The following TMPRSS4 variants were observed in gnomAD, a reference collection of about 807,000 sequenced individuals.
TMPRSS4 encodes transmembrane serine protease 4.
A neutral mutation model predicts 56.4 loss-of-function variants in TMPRSS4; 45 were observed. The observed-to-expected ratio is 0.80, with a 90% CI of 0.63 to 1.02. The LOEUF is 1.02. Among genes scored for constraint, TMPRSS4 ranks in the 50% least tolerant of loss-of-function variants. The pLI, the probability that TMPRSS4 is intolerant of heterozygous loss-of-function variation, is 0.00. For missense variants in TMPRSS4, 546 were observed against 556.7 expected, an observed-to-expected ratio of 0.98 and a Z score of 0.19; for synonymous variants, 205 against 211.0, an observed-to-expected ratio of 0.97 and a Z score of 0.25.
intron 2 of TMPRSS4, 48 bp downstream of exon 2, chr11:118,094,903 C>A: frequency 6.3e-7 from 1 of 1,598,756 alleles, no homozygotes; most frequent in Non-Finnish European, 8.5e-7. Flanking sequence ...CTCTGAGTTT[C>A]AGCTACCAAG....
intron 7 of TMPRSS4, among the ~76,000 whole-genome samples, chr11:118,109,255 G>T (rs10502229): frequency 0.1 from 15,968 of 152,188 alleles, 1,392 homozygotes; most frequent in East Asian, 0.35. Flanking sequence ...ATCAGCTCAG[G>T]TATCCAAGAT....
At chr11:118,092,091 G>GA (rs1165578955) in intron 1 of TMPRSS4, among the ~76,000 whole-genome samples, 4 of 152,054 alleles carry the variant, frequency 2.6e-5, no homozygotes, top group African/African-American at 9.7e-5. Flanking sequence ...CAACCAAAAA[G>GA]AAAGAAAAAA....
rs1223079104 is a variant in TMPRSS4, at chr11:118,116,509, T to A, written c.1153-796T>A. Among the ~76,000 whole-genome samples the A allele has an allele frequency of 3.9e-5, 6 of 152,176 alleles. No individual in the cohort carries two copies. The South Asian group carries it at 1.2e-3, about 32-fold the overall frequency. On this transcript the variant is annotated intron_variant, in intron 11 of 12. Coordinates refer to ENST00000437212, the MANE Select transcript of TMPRSS4 (RefSeq NM_019894.4). ...TAAGGACTCCCAGATAAGTGCACTT[T>A]TCACTATCTGGCATTTTCTTGTTTT...
At chr11:118,123,817 C>A (rs939181774), downstream of TMPRSS4, among the ~76,000 whole-genome samples, 1 of 152,072 alleles carries the variant, frequency 6.6e-6, no homozygotes, top group Admixed American at 6.5e-5. Context: ...AGCCACCGTG[C>A]CCGGCCAATT....
At chr11:118,095,510 A>G (rs1946236749) in intron 2 of TMPRSS4, 3 of 152,448 alleles carry the variant, frequency 2.0e-5, no homozygotes, top group Admixed American at 2.0e-4. Flanking sequence ...AATGACCACA[A>G]ATGAAGTAAT....
intron 4 of TMPRSS4, among the ~76,000 whole-genome samples, chr11:118,104,323 A>G (rs989372159): frequency 1.3e-5 from 2 of 152,254 alleles, no homozygotes; most frequent in African/African-American, 4.8e-5. Flanking sequence ...TGTGTGGACC[A>G]TGGATGGGTA....
chr11:118,087,229 T>C (rs932452494), intron 1 of TMPRSS4, among the ~76,000 whole-genome samples: 1 of 152,160 alleles, frequency 6.6e-6, no homozygotes, highest in African/African-American at 2.4e-5. Context: ...ACTCCAGTCA[T>C]TCCAGCTCTG....
intron 2 of TMPRSS4, among the ~76,000 whole-genome samples, chr11:118,095,934 C>T (rs1471771020): frequency 2.6e-5 from 4 of 152,114 alleles, no homozygotes; most frequent in African/African-American, 7.2e-5. Context: ...TCACTGGGTT[C>T]GTTAACTTAA....
chr11:118,078,013 CAAAAAAAAAAAAAAAAAAA>C (rs148383275), intron 1 of TMPRSS4, among the ~76,000 whole-genome samples: 2 of 71,050 alleles, frequency 2.8e-5, no homozygotes, highest in African/African-American at 1.1e-4. Context: ...AACTCCGTCT[CAAAAAAAAAAAAAAAAAAA>C]AAAAAAAAAA....
rs148383275 is a variant in TMPRSS4, at chr11:118,078,013, CAAAAAAAAAAAAAAAA to C, written c.3+724_3+739del. Among the ~76,000 whole-genome samples, 8 of 71,038 alleles carry C rather than the reference CAAAAAAAAAAAAAAAA, an allele frequency of 1.1e-4. No homozygotes were observed. In the South Asian group the frequency reaches 3.3e-3, roughly 29 times the overall value. 46.6% of individuals were successfully genotyped at this position (71,038 alleles called of 152,430 possible). On this transcript the variant is annotated intron_variant, in intron 1 of 12. Transcript: ENST00000437212. ...GGGCAACAAGAGTGAAACTCCGTCT[CAAAAAAAAAAAAAAAA>C]AAAAAAAAAAAAAAAGAAAGAAGGA...
intron 1 of TMPRSS4, among the ~76,000 whole-genome samples, chr11:118,085,696 G>A (rs973808374): frequency 2.6e-5 from 4 of 152,152 alleles, no homozygotes; most frequent in African/African-American, 7.2e-5. Flanking sequence ...CTTCCCAATG[G>A]CAAACCCATG....
At chr11:118,113,120 C>T in intron 8 of TMPRSS4, 149 bp from the exon 9 acceptor site, 1 of 705,814 alleles carries the variant, frequency 1.4e-6, no homozygotes, top group Non-Finnish European at 2.2e-6. Context: ...AGAAGACTGC[C>T]CCTTCTCCAC....
At chr11:118,083,548 T>G (rs1474933239) in intron 1 of TMPRSS4, among the ~76,000 whole-genome samples, 1 of 152,164 alleles carries the variant, frequency 6.6e-6, no homozygotes, top group South Asian at 2.1e-4. Context: ...CCATTAACAA[T>G]AAATAATTTT....
At chr11:118,083,236 C>T (rs914860060) in intron 1 of TMPRSS4, among the ~76,000 whole-genome samples, 2 of 152,240 alleles carry the variant, frequency 1.3e-5, no homozygotes, top group African/African-American at 4.8e-5. Context: ...CTTTCTGTAA[C>T]TTCCCCCGTT....
At position 118,077,092 on chromosome 11, in the gene TMPRSS4, C is replaced by G; in HGVS notation, c.-211C>G. The stretch of plus-strand genomic sequence containing the variant: ...GTCCCCCAATCACTCCTGGAATACA[C>G]AGAGAGAGGCAGCAGCTTGCTCAGC... On this transcript the variant is annotated 5_prime_UTR_variant, in exon 1 of 13. Coordinates refer to ENST00000437212, the MANE Select transcript of TMPRSS4 (RefSeq NM_019894.4). 3.6e-6 allele frequency: 2 copies of G among 549,288 alleles called. No homozygotes were observed. The highest frequency in any genetic ancestry group is 6.4e-6 in the Non-Finnish European group (2 of 310,120). 34.0% of individuals were successfully genotyped at this position (549,288 alleles called of 1,614,324 possible).
In TMPRSS4 at chr11:118,101,853, A is replaced by T. The variant is rs116801753; in HGVS notation, c.158-1248A>T. 6.1e-3 allele frequency among the ~76,000 whole-genome samples: 927 copies of T among 152,322 alleles called. 14 individuals carry two copies. Among genetic ancestry groups the T allele is most frequent in the African/African-American group, 0.021 (882 of 41,570 alleles). ...ATCTTTCCATCATCCCAAAATGGCA[A>T]AAGAGCAACAGAATTTGAAAGCAGC... On this transcript the variant is annotated intron_variant, in intron 3 of 12. Coordinates refer to ENST00000437212, the MANE Select transcript of TMPRSS4 (RefSeq NM_019894.4).
At position 118,117,394 on chromosome 11, in the gene TMPRSS4, C is replaced by T; in HGVS notation, c.1242C>T (p.Ser414=). ...VSWGYGCGGP[S]TPGVYTKVSA... ...GGGGCTATGGCTGCGGGGGCCCGAG[C>T]ACCCCAGGAGTATACACCAAGGTCT... The change falls in exon 12 of 13, where the codon AGC becomes AGT. Residue 414 remains serine, a synonymous_variant. Coordinates refer to ENST00000437212, the MANE Select transcript of TMPRSS4 (RefSeq NM_019894.4). 1.9e-6 allele frequency: 3 copies of T among 1,614,116 alleles called. No homozygotes were observed. Among genetic ancestry groups the T allele is most frequent in the Non-Finnish European group, 2.5e-6 (3 of 1,180,004 alleles).
At position 118,115,176 on chromosome 11, in the gene TMPRSS4, G is replaced by A. The variant is rs373648636; in HGVS notation, c.1048G>A (p.Val350Ile). 6.3e-5 allele frequency: 102 copies of A among 1,612,550 alleles called. No homozygotes were observed. The highest frequency in any genetic ancestry group is 2.3e-4 in the Admixed American group (14 of 59,798). ...CATACTGCTGCAGGCGTCAGTCCAG[G>A]TCATTGACAGCACACGGTGCAATGC... ...SDILLQASVQ[V>I]IDSTRCNADD... Residue 350 changes from valine (V) to isoleucine (I), a missense_variant, in exon 11 of 13, where the codon GTC (valine) becomes ATC (isoleucine). Val to Ile is a conservative substitution (Grantham distance 29, BLOSUM62 3). Transcript: ENST00000437212.
intron 1 of TMPRSS4, 65 bp downstream of exon 1, chr11:118,077,370 A>T: frequency 6.6e-7 from 1 of 1,514,764 alleles, no homozygotes; most frequent in Non-Finnish European, 8.9e-7. Flanking sequence ...AAGGCCCTTC[A>T]AGCAGCCTGA....
Sources: gnomAD v4.1 joint callset for allele counts (sites outside exome capture counted in the v4.1 genomes callset) on GRCh38, gnomAD v4.1.1 for gene constraint, MANE v1.5 for transcripts, NCBI Gene and HGNC (gene_info 2026-07-23, HGNC 2026-07-21) for gene names.